The following TOP1MT variants were observed in gnomAD, a reference collection of about 807,000 sequenced individuals.
The protein encoded by TOP1MT is DNA topoisomerase I, mitochondrial.
A neutral mutation model predicts 73.9 loss-of-function variants in TOP1MT; 80 were observed. That is an observed-to-expected ratio of 1.08 (90% CI 0.90 to 1.30). TOP1MT has a LOEUF of 1.30. Among genes scored for constraint, TOP1MT ranks in the 50% most tolerant of loss-of-function variants. The pLI is 0.00. For synonymous variants in TOP1MT, 338 were observed against 326.4 expected (o/e 1.04, Z -0.38); for missense variants, 815 against 808.0 (o/e 1.01, Z -0.10).
upstream of TOP1MT, chr8:143,335,019 C>T: frequency 1.3e-6 from 1 of 740,986 alleles, no homozygotes; most frequent in South Asian, 6.3e-5. Flanking sequence ...GCTGCGGCAG[C>T]AGGACCACTG....
At chr8:143,311,833 T>G (rs1037467704) in intron 12 of TOP1MT, among the ~76,000 whole-genome samples, 3 of 151,444 alleles carry the variant, frequency 2.0e-5, no homozygotes, top group African/African-American at 7.3e-5. Context: ...AAAGATAATA[T>G]GGGAATACTA....
intron 12 of TOP1MT, among the ~76,000 whole-genome samples, chr8:143,313,179 G>C (rs905841455): frequency 1.3e-5 from 2 of 152,202 alleles, no homozygotes; most frequent in African/African-American, 4.8e-5. Context: ...CTATCTTCAT[G>C]GCCTTGGGTT....
upstream of TOP1MT, among the ~76,000 whole-genome samples, chr8:143,337,219 C>G (rs34132558): frequency 0.067 from 10,253 of 152,126 alleles, 450 homozygotes; most frequent in Non-Finnish European, 0.093. Context: ...GAGGTCAGAT[C>G]GAGACCATCC....
In TOP1MT at chr8:143,325,424, C is replaced by A; in HGVS notation, c.593G>T (p.Arg198Leu). ...NFKIEPPGLF[R>L]GRGDHPKMGM... ...CATCTTGGGATGGTCGCCACGGCCA[C>A]GGAACAAGCCAGGCGGCTCAATCTT... is the stretch of plus-strand genomic sequence containing the variant. Residue 198 changes from arginine to leucine, a missense_variant, in exon 5 of 14, where the codon CGT (arginine) becomes CTT (leucine). Arg to Leu is a moderately radical substitution (Grantham distance 102). This residue lies in a region of TOP1MT where 751 missense variants were observed against 725.4 expected (regional missense o/e 1.04). Transcript: ENST00000329245. 6.2e-7 allele frequency: 1 copy of A among 1,612,888 alleles called. No individual in the cohort carries two copies.
At chr8:143,319,396 G>C (rs917540438) in intron 8 of TOP1MT, among the ~76,000 whole-genome samples, 1 of 152,066 alleles carries the variant, frequency 6.6e-6, no homozygotes, top group Non-Finnish European at 1.5e-5. Flanking sequence ...CTGGGCTCCA[G>C]CAACCCTCCC....
intron 7 of TOP1MT, among the ~76,000 whole-genome samples, chr8:143,322,085 G>T (rs200997524): frequency 2.1e-4 from 6 of 28,520 alleles, no homozygotes; most frequent in South Asian, 1.7e-3. Flanking sequence ...GCCACACACA[G>T]GCATGCCAAA....
chr8:143,331,401 G>A lies in TOP1MT; in HGVS notation c.123-62C>T, dbSNP rs115046812. The A allele has an allele frequency of 6.9e-3, 9,733 of 1,409,564 alleles. 543 individuals are homozygous for A. The African/African-American group carries it at 0.12, about 18-fold the overall frequency. 87.3% of individuals were successfully genotyped at this position (1,409,564 alleles called of 1,614,324 possible). A position where few individuals can be genotyped will look rare whatever the true frequency, so the allele number is the denominator to read the frequency against. On this transcript the variant is annotated intron_variant, in intron 1 of 13. Transcript: ENST00000329245. ...CAGGCCCTGCATGAGCCTCTTCCCC[G>A]CTCCCACAGTGGCTCCTCCCTGTGG...
At chr8:143,322,237 G>GCT (rs1273091026) in intron 7 of TOP1MT, among the ~76,000 whole-genome samples, 1 of 30,986 alleles carries the variant, frequency 3.2e-5, no homozygotes, top group Admixed American at 6.7e-4. Flanking sequence ...CCACACACAT[G>GCT]CATGCCACAC....
chr8:143,349,418 T>A (rs1046500242), upstream of TOP1MT, among the ~76,000 whole-genome samples: 4 of 151,922 alleles, frequency 2.6e-5, no homozygotes, highest in Admixed American at 1.3e-4. Context: ...AGACTAGGTT[T>A]ACCTACTGTG....
At chr8:143,313,148 C>T (rs1277468008) in intron 12 of TOP1MT, among the ~76,000 whole-genome samples, 1 of 152,208 alleles carries the variant, frequency 6.6e-6, no homozygotes, top group Non-Finnish European at 1.5e-5. Context: ...CAATAAACCT[C>T]TTAGGAGAAA....
At chr8:143,310,515 T>C (rs1815983430) in intron 12 of TOP1MT, 1 of 287,922 alleles carries the variant, frequency 3.5e-6, no homozygotes, top group Non-Finnish European at 6.4e-6. Flanking sequence ...CCAAACAGGA[T>C]GAGGGCAGCG....
intron 1 of TOP1MT, chr8:143,332,524 GGTA>G (rs1169537693): frequency 1.6e-6 from 2 of 1,289,448 alleles, no homozygotes; most frequent in South Asian, 2.5e-5. Flanking sequence ...ACCCCAGCCA[GGTA>G]GTGCTGTTGG....
At chr8:143,329,866 T>C (rs1586769645) in intron 2 of TOP1MT, among the ~76,000 whole-genome samples, 1 of 152,268 alleles carries the variant, frequency 6.6e-6, no homozygotes, top group South Asian at 2.1e-4. Flanking sequence ...AATAACTAGG[T>C]GTACCCTTTT....
rs1563763048 is a variant in TOP1MT, at chr8:143,325,456, G to A, written c.561C>T (p.Gly187=). The A allele has an allele frequency of 6.2e-7, 1 of 1,613,504 alleles. No individual in the cohort carries two copies. The stretch of plus-strand genomic sequence containing the variant: ...AGCCAGGCGGCTCAATCTTGAAGTT[G>A]CCTATTTTTTCTTGGTGACCATCTA... ...CILDGHQEKI[G]NFKIEPPGLF... Residue 187 remains glycine (G), a synonymous_variant, in exon 5 of 14, where the codon GGC becomes GGT. Transcript: ENST00000329245.
chr8:143,321,931 G>GCCACACACGCACA, intron 7 of TOP1MT, among the ~76,000 whole-genome samples: 1 of 50,444 alleles, frequency 2.0e-5, no homozygotes. Flanking sequence ...ACACATGCAC[G>GCCACACACGCACA]CCACACACGC....
At chr8:143,338,850 C>T (rs1235969077), upstream of TOP1MT, among the ~76,000 whole-genome samples, 1 of 152,152 alleles carries the variant, frequency 6.6e-6, no homozygotes, top group East Asian at 1.9e-4. Context: ...GAACTGTCTG[C>T]CAATATTCCT....
chr8:143,320,687 G>A (rs934383737), intron 8 of TOP1MT, among the ~76,000 whole-genome samples: 1 of 152,254 alleles, frequency 6.6e-6, no homozygotes, highest in Non-Finnish European at 1.5e-5. Flanking sequence ...CAGAGGCAGA[G>A]ATGCAGGGAG....
chr8:143,349,280 C>T (rs148940367), upstream of TOP1MT, among the ~76,000 whole-genome samples: 3 of 152,204 alleles, frequency 2.0e-5, no homozygotes, highest in Non-Finnish European at 4.4e-5. Context: ...CTCTCAGGCA[C>T]ACGGCACCTG....
At chr8:143,352,583 A>C (rs1162688050) in intron 1 of TOP1MT, among the ~76,000 whole-genome samples, 2 of 152,226 alleles carry the variant, frequency 1.3e-5, no homozygotes, top group African/African-American at 4.8e-5. Context: ...TTAGAAAAAA[A>C]CATAGGTATA....
Sources: allele counts gnomAD v4.1 joint callset (sites outside exome capture counted in the v4.1 genomes callset), GRCh38; gene constraint gnomAD v4.1.1; regional missense constraint gnomAD v4.1.1; transcripts MANE v1.5; gene names NCBI Gene and HGNC (gene_info 2026-07-23, HGNC 2026-07-21).